SCRIB: variants seen among roughly 807,000 people sequenced by gnomAD.
SCRIB encodes protein scribble homolog.
SCRIB carries 72 observed loss-of-function variants against 170.0 expected under a neutral mutation model. That is an observed-to-expected ratio of 0.42 (90% CI 0.35 to 0.52). SCRIB has a LOEUF of 0.52. Among genes scored for constraint, SCRIB ranks in the 20% least tolerant of loss-of-function variants. SCRIB has a pLI of 0.02. For missense variants in SCRIB, 2,475 were observed against 2,338.5 expected (o/e 1.06, Z -1.20); for synonymous variants, 1,298 against 1,044.3 (o/e 1.24, Z -4.68).
rs1325977001 is a variant in SCRIB at position 143,793,085 on chromosome 8, T to TG, written c.3910-3dup. 7 of 1,339,304 alleles carry TG rather than the reference T, an allele frequency of 5.2e-6. No individual in the cohort carries two copies. The highest frequency in any genetic ancestry group is 4.5e-5 in the African/African-American group (3 of 66,570). The allele number at this position is 1,339,304 out of a possible 1,614,324, so 83.0% of individuals were successfully genotyped here. A position where few individuals can be genotyped will look rare whatever the true frequency, so the allele number is the denominator to read the frequency against. ...ATCCGGAGAAGGCGGGGAGGGCGGC[T>TG]GGGGGGTGGGGCTCTTGTGAGCTAT... is the stretch of plus-strand genomic sequence containing the variant. On this transcript the variant is annotated splice_region_variant and splice_polypyrimidine_tract_variant and intron_variant, in intron 28 of 36. Transcript: ENST00000356994.
intron 8 of SCRIB, 112 bp downstream of exon 8, chr8:143,812,705 G>C: frequency 2.2e-6 from 3 of 1,389,834 alleles, no homozygotes. Flanking sequence ...CAGAGCCTGG[G>C]CACACTCAGG....
intron 18 of SCRIB, 53 bp downstream of exon 18, chr8:143,806,354 T>G: frequency 1.4e-6 from 2 of 1,406,540 alleles, no homozygotes; most frequent in Non-Finnish European, 2.0e-6. Context: ...CCAGGGACCA[T>G]GTACCTCCAG....
rs782260469 is a variant in SCRIB, at chr8:143,804,796, C to G, written c.2781G>C (p.Arg927Ser). Residue 927 changes from arginine (R) to serine (S), a missense_variant, in exon 21 of 37, where the codon AGG (arginine) becomes AGC (serine). Physicochemically the swap from Arg to Ser is moderately radical, Grantham distance 110. This residue lies in a region of SCRIB where 1,966 missense variants were observed against 1,742.9 expected (regional missense o/e 1.13). Transcript: ENST00000356994. ...SINGVDVTEA[R>S]HDHAVSLLTA... ...TCAGCAGGGAGACGGCGTGGTCATG[C>G]CTGGCCTCAGTCACGTCCACTCCAT... The G allele has an allele frequency of 6.3e-7, 1 of 1,597,408 alleles. No individual in the cohort carries two copies. The highest frequency in any genetic ancestry group is 2.3e-5 in the East Asian group (1 of 44,444).
intron 17 of SCRIB, 119 bp downstream of exon 17, chr8:143,806,805 C>A: frequency 1.3e-6 from 1 of 783,962 alleles, no homozygotes; most frequent in Admixed American, 2.9e-5. Context: ...TGCCTTGGGC[C>A]CAGCCCGTGT....
At chr8:143,801,203 T>C (rs1815158662) in intron 24 of SCRIB, among the ~76,000 whole-genome samples, 2 of 152,222 alleles carry the variant, frequency 1.3e-5, no homozygotes, top group African/African-American at 2.4e-5. Flanking sequence ...CAGTCAGTAC[T>C]GTGGGGACAG....
intron 9 of SCRIB, among the ~76,000 whole-genome samples, chr8:143,811,791 C>A (rs1436312659): frequency 6.6e-6 from 1 of 152,112 alleles, no homozygotes; most frequent in African/African-American, 2.4e-5. Flanking sequence ...GTGAGGAACC[C>A]CCCCGGAAAC....
chr8:143,792,080 G>A lies in SCRIB; in HGVS notation c.4568C>T (p.Ser1523Phe), dbSNP rs782160875. Residue 1523 changes from serine (S) to phenylalanine (F), a missense_variant, in exon 33 of 37, where the codon TCC (serine) becomes TTC (phenylalanine). This residue lies in a region of SCRIB where 1,966 missense variants were observed against 1,742.9 expected (regional missense o/e 1.13). Transcript: ENST00000356994. ...CCCCCGCGTGCCCCGGCCTTCCTGGGACCTGCTGAGGACCATCTGTGCTCG... is the reference window on the plus strand; with the variant it reads ...CCCCCGCGTGCCCCGGCCTTCCTGGAACCTGCTGAGGACCATCTGTGCTCG... ...ALRAQMVLSR[S>F]QEGRGTRGPL... 32 of 1,595,248 alleles carry A rather than the reference G, an allele frequency of 2.0e-5. No individual in the cohort carries two copies. The highest frequency in any genetic ancestry group is 2.5e-5 in the Non-Finnish European group (29 of 1,176,722).
intron 9 of SCRIB, among the ~76,000 whole-genome samples, chr8:143,811,701 C>A (rs1413885782): frequency 6.6e-6 from 1 of 152,102 alleles, no homozygotes; most frequent in Admixed American, 6.5e-5. Context: ...GCTCCCCAGG[C>A]CCCCAGTTCC....
chr8:143,807,418 G>A (rs1815477393), intron 16 of SCRIB, 134 bp downstream of exon 16: 2 of 801,376 alleles, frequency 2.5e-6, no homozygotes, highest in Admixed American at 1.7e-5. Flanking sequence ...TGATCCTGGA[G>A]CCCAGCTGGA....
Position 143,811,222 on chromosome 8 carries a change from C to A in SCRIB, c.1030G>T (p.Asp344Tyr), listed in dbSNP as rs1267977106. 6 of 1,611,420 alleles carry A rather than the reference C, an allele frequency of 3.7e-6. No homozygotes were observed. The Admixed American group carries it at 5.0e-5, about 13-fold the overall frequency. The change falls in exon 10 of 37, where the codon GAC (aspartate) becomes TAC (tyrosine). Residue 344 changes from aspartate (D) to tyrosine (Y), a missense_variant. Transcript: ENST00000356994. ...GGTGGCAGGACGGCCAGGCGGTTGT[C>A]CCTCAAGGAGAGGACGCTGAGTGCC... ...CVALSVLSLR[D>Y]NRLAVLPPEL... is the part of the protein sequence containing the mutation.
rs1816038937 is a variant in SCRIB at position 143,815,425 on chromosome 8, C to CG, written c.-54dup. On this transcript the variant is annotated 5_prime_UTR_variant, in exon 1 of 37. Transcript: ENST00000356994. ...CGGCGGCGCTCGGCGGGCTCGGGGC[C>CG]GGGGGGCGGGGCTCAGTCCGCATGG... 2 of 1,012,880 alleles carry CG rather than the reference C, an allele frequency of 2.0e-6. No homozygotes were observed. Among genetic ancestry groups the CG allele is most frequent in the Non-Finnish European group, 2.4e-6 (2 of 831,382 alleles). 62.7% of individuals were successfully genotyped at this position (1,012,880 alleles called of 1,614,324 possible).
chr8:143,795,752 G>A (rs1814917784), intron 24 of SCRIB, among the ~76,000 whole-genome samples: 1 of 152,234 alleles, frequency 6.6e-6, no homozygotes, highest in Admixed American at 6.5e-5. Flanking sequence ...ACAGCTCACA[G>A]GGCTGCCGTG....
At chr8:143,807,069 C>A in intron 16 of SCRIB, 56 bp from the exon 17 acceptor site, 1 of 1,299,214 alleles carries the variant, frequency 7.7e-7, no homozygotes, top group Non-Finnish European at 1.1e-6. Flanking sequence ...TGCCTGTGCT[C>A]TCTGCAGGAG....
chr8:143,809,498 G>A (rs951855150), intron 14 of SCRIB, 53 bp downstream of exon 14: 2 of 1,569,754 alleles, frequency 1.3e-6, no homozygotes, highest in Non-Finnish European at 1.7e-6. Flanking sequence ...CGCAGGGGAG[G>A]CAGCCCCCAC....
rs201254307 is a variant in SCRIB at position 143,803,931 on chromosome 8, G to A, written c.3130C>T (p.Arg1044Trp). 3.2e-5 allele frequency: 50 copies of A among 1,581,502 alleles called. No individual in the cohort carries two copies. The African/African-American group carries it at 5.9e-4, about 19-fold the overall frequency. Residue 1044 changes from arginine to tryptophan, a missense_variant, in exon 23 of 37, where the codon CGG (arginine) becomes TGG (tryptophan). Arg to Trp is a moderately radical substitution (Grantham distance 101). Around this residue, in one of 3 missense-constraint regions of SCRIB, gnomAD observed 1,966 missense variants for 1,742.9 expected, o/e 1.13. Coordinates refer to ENST00000356994, the MANE Select transcript of SCRIB (RefSeq NM_182706.5). ...PGVFISKVLP[R>W]GLAARSGLRV... ...AGGCCGCTGCGAGCGGCCAGGCCCC[G>A]CGGGAGCACCTGTCAGGGAGGAGGG...
Position 143,793,025 on chromosome 8 carries a change from GC to G in SCRIB, c.3967del (p.Ala1323ProfsTer184). ...LPANVKQAYR[A>X]FAAVPTSHPP... ...GTGAGAAGTGGGCACGGCCGCGAAG[GC>G]CCTGTAGGCCTGCTTCACATTGGCG... On this transcript the variant is annotated frameshift_variant, in exon 29 of 37. Coordinates refer to ENST00000356994, the MANE Select transcript of SCRIB (RefSeq NM_182706.5). LOFTEE classifies it high-confidence loss of function. 1 of 1,510,402 alleles carries G rather than the reference GC, an allele frequency of 6.6e-7. No individual in the cohort carries two copies. The highest frequency in any genetic ancestry group is 8.9e-7 in the Non-Finnish European group (1 of 1,127,700). The allele number at this position is 1,510,402 out of a possible 1,614,324, so 93.6% of individuals were successfully genotyped here.
chr8:143,805,361 C>T lies in SCRIB; in HGVS notation c.2421G>A (p.Val807=). 5 of 1,550,850 alleles carry T rather than the reference C, an allele frequency of 3.2e-6. No individual in the cohort carries two copies. Among genetic ancestry groups the T allele is most frequent in the Non-Finnish European group, 4.3e-6 (5 of 1,154,100 alleles). The change falls in exon 19 of 37, where the codon GTG becomes GTA. Residue 807 remains valine, a synonymous_variant. Coordinates refer to ENST00000356994, the MANE Select transcript of SCRIB (RefSeq NM_182706.5). ...TGCGCTCCCGCCACACTCGCATCTG[C>T]ACGGCAGTGCCGGCCCCCCGGAGCG... is the stretch of plus-strand genomic sequence containing the variant. The part of the protein sequence containing the change: ...VEALRGAGTA[V]QMRVWRERMV...
chr8:143,812,169 C>T, intron 9 of SCRIB, 97 bp downstream of exon 9: 1 of 850,748 alleles, frequency 1.2e-6, no homozygotes, highest in Middle Eastern at 2.3e-4. Context: ...GTCAGGCTGC[C>T]ACCAGCACCC....
At chr8:143,807,498 C>T (rs531301667) in intron 16 of SCRIB, 54 bp downstream of exon 16, 42 of 1,462,642 alleles carry the variant, frequency 2.9e-5, no homozygotes, top group Middle Eastern at 1.7e-4. Context: ...GCCCACAGCC[C>T]GGGAAGCAAG....
Sources: allele counts gnomAD v4.1 joint callset (sites outside exome capture counted in the v4.1 genomes callset), GRCh38; gene constraint gnomAD v4.1.1; regional missense constraint gnomAD v4.1.1; transcripts MANE v1.5; gene names NCBI Gene and HGNC (gene_info 2026-07-23, HGNC 2026-07-21).